ABLIM3: variants seen among roughly 807,000 people sequenced by gnomAD.
ABLIM3 encodes actin binding LIM protein family member 3.
ABLIM3 carries 61 observed loss-of-function variants against 109.5 expected under a neutral mutation model. The ratio of observed to expected loss-of-function variants is 0.56; its 90% confidence interval spans 0.45 to 0.69. ABLIM3 has a LOEUF of 0.69. ABLIM3 is among the 30% of genes least tolerant of loss of function. The pLI, the probability that ABLIM3 is intolerant of heterozygous loss-of-function variation, is 0.00. For missense variants in ABLIM3, 796 were observed against 889.5 expected (o/e 0.89, Z 1.34); for synonymous variants, 300 against 324.8 (o/e 0.92, Z 0.82).
chr5:149,190,540 C>G (rs1228259965), intron 3 of ABLIM3, among the ~76,000 whole-genome samples: 3 of 151,860 alleles, frequency 2.0e-5, no homozygotes, highest in Non-Finnish European at 2.9e-5. Context: ...ATTAGCCGGG[C>G]ATGGTGGTGC....
At chr5:149,142,651 G>A (rs1752580588) in intron 2 of ABLIM3, among the ~76,000 whole-genome samples, 1 of 152,154 alleles carries the variant, frequency 6.6e-6, no homozygotes, top group Non-Finnish European at 1.5e-5. Flanking sequence ...GTGGGCCCAG[G>A]GCTGGTTTCT....
chr5:149,170,400 G>A (rs1581036470), intron 2 of ABLIM3, among the ~76,000 whole-genome samples: 2 of 152,116 alleles, frequency 1.3e-5, no homozygotes, highest in Admixed American at 6.6e-5. Context: ...TTGCAGAAAA[G>A]CCTCAGAGAG....
At chr5:149,187,554 T>A (rs1013528977) in intron 3 of ABLIM3, among the ~76,000 whole-genome samples, 2 of 152,268 alleles carry the variant, frequency 1.3e-5, no homozygotes, top group Non-Finnish European at 2.9e-5. Context: ...CGAATGTTTC[T>A]GTTAGATATG....
intron 18 of ABLIM3, among the ~76,000 whole-genome samples, chr5:149,248,299 G>A (rs1054346269): frequency 5.3e-5 from 8 of 152,090 alleles, no homozygotes; most frequent in Admixed American, 1.3e-4. Context: ...TTGGAAAGGC[G>A]CTCTATGGGG....
chr5:149,170,040 C>T (rs78581471), intron 2 of ABLIM3, among the ~76,000 whole-genome samples: 2,149 of 152,062 alleles, frequency 0.014, 24 homozygotes, highest in Non-Finnish European at 0.021. Context: ...TGTAAATTTG[C>T]GTCATGGGGG....
At chr5:149,236,977 C>G (rs1752263056) in intron 10 of ABLIM3, among the ~76,000 whole-genome samples, 1 of 152,154 alleles carries the variant, frequency 6.6e-6, no homozygotes, top group Non-Finnish European at 1.5e-5. Context: ...TTATTTTTGT[C>G]TTTACCATCT....
chr5:149,157,327 G>A (rs912717311), intron 2 of ABLIM3, among the ~76,000 whole-genome samples: 4 of 152,130 alleles, frequency 2.6e-5, no homozygotes, highest in Non-Finnish European at 5.9e-5. Context: ...ACTTCAGTAT[G>A]CGGAGCAAAT....
At chr5:149,215,699 AC>A (rs1760010155) in intron 7 of ABLIM3, among the ~76,000 whole-genome samples, 1 of 151,920 alleles carries the variant, frequency 6.6e-6, no homozygotes, top group Non-Finnish European at 1.5e-5. Flanking sequence ...CCCAAAGAAA[AC>A]CCTGCCCTGA....
chr5:149,170,383 AG>A lies in ABLIM3; in HGVS notation c.14-13068del, dbSNP rs1755296428. Among the ~76,000 whole-genome samples, 7 of 152,202 alleles carry A rather than the reference AG, an allele frequency of 4.6e-5. No homozygotes were observed. In the South Asian group the frequency reaches 1.5e-3, roughly 32 times the overall value. ...GCTTAGCAACCAGGTGGCTTTTCTA[AG>A]AGCTCTTGCAGAAAAGCCTCAGAGA... On this transcript the variant is annotated intron_variant, in intron 2 of 23. Coordinates refer to ENST00000309868, the MANE Select transcript of ABLIM3 (RefSeq NM_014945.5).
intron 8 of ABLIM3, among the ~76,000 whole-genome samples, chr5:149,225,095 G>C (rs1761038601): frequency 6.6e-6 from 1 of 152,138 alleles, no homozygotes; most frequent in African/African-American, 2.4e-5. Context: ...GAGTGCCTTG[G>C]TCTACAGAAG....
intron 2 of ABLIM3, among the ~76,000 whole-genome samples, chr5:149,178,003 C>G (rs1279003852): frequency 1.6e-4 from 24 of 152,262 alleles, no homozygotes; most frequent in Non-Finnish European, 5.9e-5. Context: ...CAAACCCAGC[C>G]CAGTGACTCC....
chr5:149,246,055 T>C (rs1261241433), intron 16 of ABLIM3, among the ~76,000 whole-genome samples: 1 of 152,120 alleles, frequency 6.6e-6, no homozygotes, highest in East Asian at 1.9e-4. Context: ...CCCAGCTACA[T>C]GCAAGCCTGA....
chr5:149,177,828 T>C lies in ABLIM3; in HGVS notation c.14-5624T>C, dbSNP rs569537923. Among the ~76,000 whole-genome samples, 5 of 152,326 alleles carry C rather than the reference T, an allele frequency of 3.3e-5. No individual in the cohort carries two copies. The South Asian group carries it at 1.0e-3, about 32-fold the overall frequency. On this transcript the variant is annotated intron_variant, in intron 2 of 23. Transcript: ENST00000309868. The stretch of plus-strand genomic sequence containing the variant: ...TTCAGAGATCCTTTAATATTAATTA[T>C]TGCTTATTGAGGCCAAGCAATGCAC...
At chr5:149,150,080 A>G (rs1175378619) in intron 2 of ABLIM3, among the ~76,000 whole-genome samples, 2 of 152,162 alleles carry the variant, frequency 1.3e-5, no homozygotes, top group Admixed American at 6.5e-5. Context: ...GTCAAATCCA[A>G]TCAGGAGCCA....
rs1028430401 is a variant in ABLIM3, at chr5:149,141,764, G to A, written c.-88+110G>A. On this transcript the variant is annotated intron_variant, in intron 1 of 23. Coordinates refer to ENST00000309868, the MANE Select transcript of ABLIM3 (RefSeq NM_014945.5). ...TTTGGGCTCCGGAGCCGCTGGGCAG[G>A]AATAGTCCGGGGTGCGCGCGAGCAG... is the stretch of plus-strand genomic sequence containing the variant. 6 of 380,362 alleles carry A rather than the reference G, an allele frequency of 1.6e-5. 1 individual carries two copies. The highest frequency in any genetic ancestry group is 2.1e-5 in the African/African-American group (1 of 48,198). The allele number at this position is 380,362 out of a possible 1,614,324, so 23.6% of individuals were successfully genotyped here. A position where few individuals can be genotyped will look rare whatever the true frequency, so the allele number is the denominator to read the frequency against.
intron 18 of ABLIM3, 69 bp from the exon 19 acceptor site, chr5:149,249,746 C>A: frequency 6.3e-7 from 1 of 1,590,362 alleles, no homozygotes; most frequent in Non-Finnish European, 8.6e-7. Context: ...TCTCTTTGTC[C>A]CCATGAATTG....
intron 8 of ABLIM3, chr5:149,219,898 C>T (rs1760471869): frequency 6.6e-6 from 1 of 152,218 alleles, no homozygotes; most frequent in Non-Finnish European, 1.5e-5. Context: ...ACGTCTTTGC[C>T]TCCCTGCCTG....
At chr5:149,241,242 T>C (rs1008165767) in intron 14 of ABLIM3, among the ~76,000 whole-genome samples, 18 of 152,326 alleles carry the variant, frequency 1.2e-4, no homozygotes, top group African/African-American at 4.3e-4. Flanking sequence ...GCAACTGTGC[T>C]CAACCCAGCC....
intron 8 of ABLIM3, among the ~76,000 whole-genome samples, chr5:149,227,457 A>G (rs1319623703): frequency 6.6e-6 from 1 of 152,238 alleles, no homozygotes; most frequent in Non-Finnish European, 1.5e-5. Context: ...ACAAAAAGCT[A>G]GAGCTCTGCC....
Sources: allele counts gnomAD v4.1 joint callset (sites outside exome capture counted in the v4.1 genomes callset), GRCh38; gene constraint gnomAD v4.1.1; transcripts MANE v1.5; gene names NCBI Gene and HGNC (gene_info 2026-07-23, HGNC 2026-07-21).